Variants in ABI2 observed in about 807,000 individuals in gnomAD.
ABI2 encodes the protein abl interactor 2.
Under a neutral mutation model 59.2 loss-of-function variants are expected in ABI2, and 25 were observed. The observed-to-expected ratio is 0.42, with a 90% CI of 0.31 to 0.59. ABI2 has a LOEUF of 0.59. Ranked by LOEUF, ABI2 falls within the 20% of genes least tolerant of loss-of-function variation. The pLI is 0.14. For synonymous variants in ABI2, 213 were observed against 235.5 expected (o/e 0.90, Z 0.87); for missense variants, 545 against 681.8 (o/e 0.80, Z 2.23).
chr2:203,378,196 T>A lies in ABI2; in HGVS notation c.286-2012T>A, dbSNP rs377581844. ...GGCACAATCTCGGCTCATTGCAAGCTCTGCCTCCTGGGTTCACGCCATTCT... is the reference window on the plus strand; with the variant it reads ...GGCACAATCTCGGCTCATTGCAAGCACTGCCTCCTGGGTTCACGCCATTCT... On this transcript the variant is annotated intron_variant, in intron 2 of 11. Coordinates refer to ENST00000261018, the MANE Select transcript of ABI2 (RefSeq NM_001375670.1). Among the ~76,000 whole-genome samples, 9 of 151,990 alleles carry A rather than the reference T, an allele frequency of 5.9e-5. 1 individual carries two copies. Among genetic ancestry groups the A allele is most frequent in the African/African-American group, 2.2e-4 (9 of 41,464 alleles).
chr2:203,328,405 AC>A lies in ABI2; in HGVS notation c.-108del. On this transcript the variant is annotated 5_prime_UTR_variant, in exon 1 of 12. Transcript: ENST00000261018. ...GGCTGTTTCTCGCTCCTTCCGAGTT[AC>A]CGCCGCCGTCGCCGCCGCTCCTCCT... is the stretch of plus-strand genomic sequence containing the variant. 1.2e-6 allele frequency: 1 copy of A among 863,956 alleles called. No individual in the cohort carries two copies. 53.5% of individuals were successfully genotyped at this position (863,956 alleles called of 1,614,324 possible).
chr2:203,338,963 A>AATATATATATATATATAAAT (rs2078065289), intron 1 of ABI2, among the ~76,000 whole-genome samples: 1 of 10,004 alleles, frequency 1.0e-4, no homozygotes, highest in African/African-American at 3.6e-4. Flanking sequence ...TATATATATA[A>AATATATATATATATATAAAT]ATATATATAT....
Position 203,429,471 on chromosome 2 carries a change from C to T in ABI2, c.*2119C>T, listed in dbSNP as rs2098465490. 1.3e-5 allele frequency: 2 copies of T among 152,154 alleles called. No homozygotes were observed. Among genetic ancestry groups the T allele is most frequent in the Admixed American group, 1.3e-4 (2 of 15,266 alleles). The allele number at this position is 152,154 out of a possible 1,614,324, so 9.4% of individuals were successfully genotyped here. The stretch of plus-strand genomic sequence containing the variant: ...GTGTTTTGAAATCCAATAAATAGTT[C>T]CCACAGGCTGGGTGTGGTGGCTTAT... On this transcript the variant is annotated 3_prime_UTR_variant, in exon 12 of 12. Coordinates refer to ENST00000261018, the MANE Select transcript of ABI2 (RefSeq NM_001375670.1).
Position 203,328,415 on chromosome 2 carries a change from TCGC to T in ABI2, c.-93_-91del. The T allele has an allele frequency of 1.0e-6, 1 of 974,782 alleles. No homozygotes were observed. Among genetic ancestry groups the T allele is most frequent in the South Asian group, 1.5e-5 (1 of 68,694 alleles). 60.4% of individuals were successfully genotyped at this position (974,782 alleles called of 1,614,324 possible). On this transcript the variant is annotated 5_prime_UTR_variant, in exon 1 of 12. Transcript: ENST00000261018. ...CGCTCCTTCCGAGTTACCGCCGCCG[TCGC>T]CGCCGCTCCTCCTCTCCCGGTCCTG...
chr2:203,330,137 A>T (rs927301080), intron 1 of ABI2, among the ~76,000 whole-genome samples: 5 of 152,160 alleles, frequency 3.3e-5, no homozygotes, highest in Non-Finnish European at 1.5e-5. Flanking sequence ...CACATTGTTG[A>T]TCGCGGAAGT....
At chr2:203,331,366 T>TTTTTTTC (rs1437632607) in intron 1 of ABI2, among the ~76,000 whole-genome samples, 4 of 144,818 alleles carry the variant, frequency 2.8e-5, no homozygotes, top group Admixed American at 1.4e-4. Flanking sequence ...TTTTTTTTTT[T>TTTTTTTC]TTCTGAGACA....
At chr2:203,358,384 G>A (rs1036131190) in intron 1 of ABI2, among the ~76,000 whole-genome samples, 1 of 152,090 alleles carries the variant, frequency 6.6e-6, no homozygotes, top group Non-Finnish European at 1.5e-5. Flanking sequence ...CTGGCCTCAA[G>A]TGATTCTTCT....
At chr2:203,406,324 T>A (rs1314228522) in intron 9 of ABI2, among the ~76,000 whole-genome samples, 1 of 152,246 alleles carries the variant, frequency 6.6e-6, no homozygotes, top group Non-Finnish European at 1.5e-5. Context: ...TGTATTTTAC[T>A]GCTCATATTT....
chr2:203,408,855 G>T, intron 9 of ABI2, among the ~76,000 whole-genome samples: 1 of 13,904 alleles, frequency 7.2e-5, no homozygotes, highest in Admixed American at 1.1e-3. Context: ...TTTTTGAGAC[G>T]GAGTCTCGCT....
chr2:203,406,418 A>T (rs1358235717), intron 9 of ABI2, among the ~76,000 whole-genome samples: 2 of 152,194 alleles, frequency 1.3e-5, no homozygotes, highest in African/African-American at 4.8e-5. Flanking sequence ...TATGAGATAT[A>T]GGAGTTTCTG....
chr2:203,373,630 T>A (rs199618516), intron 2 of ABI2, among the ~76,000 whole-genome samples: 3 of 152,156 alleles, frequency 2.0e-5, no homozygotes, highest in Middle Eastern at 3.2e-3. Context: ...AAAAAAAGAT[T>A]AAGCAAGGTC....
At chr2:203,345,806 A>G (rs1226445737) in intron 1 of ABI2, among the ~76,000 whole-genome samples, 1 of 151,160 alleles carries the variant, frequency 6.6e-6, no homozygotes, top group Non-Finnish European at 1.5e-5. Context: ...TCGGCCTCCC[A>G]GAGTGCTGGG....
At chr2:203,387,415 G>A (rs2096573344) in intron 4 of ABI2, among the ~76,000 whole-genome samples, 1 of 152,150 alleles carries the variant, frequency 6.6e-6, no homozygotes, top group South Asian at 2.1e-4. Flanking sequence ...TCCAAAGCCT[G>A]GTCATAAAGG....
At chr2:203,350,680 C>T (rs954274840) in intron 1 of ABI2, among the ~76,000 whole-genome samples, 6 of 151,312 alleles carry the variant, frequency 4.0e-5, no homozygotes, top group Admixed American at 1.3e-4. Flanking sequence ...GCAGGGATTA[C>T]GGGTGCCCGC....
At chr2:203,372,769 C>T (rs1453201024) in intron 2 of ABI2, among the ~76,000 whole-genome samples, 3 of 150,660 alleles carry the variant, frequency 2.0e-5, no homozygotes, top group Admixed American at 6.6e-5. Context: ...GGTTGCCAGG[C>T]GGAGGGTCTC....
intron 10 of ABI2, among the ~76,000 whole-genome samples, chr2:203,416,514 T>G (rs1472298682): frequency 6.6e-6 from 1 of 152,182 alleles, no homozygotes. Flanking sequence ...CAGGCTGGTC[T>G]TGAACTTCTG....
At chr2:203,349,210 G>A (rs964984012) in intron 1 of ABI2, among the ~76,000 whole-genome samples, 6 of 151,828 alleles carry the variant, frequency 4.0e-5, no homozygotes, top group African/African-American at 1.2e-4. Context: ...CCAAAGTGCT[G>A]GGGTTACAGG....
chr2:203,407,642 T>C (rs2097485392), intron 9 of ABI2, among the ~76,000 whole-genome samples: 1 of 152,220 alleles, frequency 6.6e-6, no homozygotes. Context: ...TTTTACTGTT[T>C]ATATCTAAAC....
intron 1 of ABI2, among the ~76,000 whole-genome samples, chr2:203,349,917 G>A (rs2086611906): frequency 6.6e-6 from 1 of 152,152 alleles, no homozygotes; most frequent in Admixed American, 6.5e-5. Flanking sequence ...ATACCTAAGA[G>A]TAGAATTGCT....
Sources: gnomAD v4.1 joint callset for allele counts (sites outside exome capture counted in the v4.1 genomes callset) on GRCh38, gnomAD v4.1.1 for gene constraint, MANE v1.5 for transcripts, NCBI Gene and HGNC (gene_info 2026-07-23, HGNC 2026-07-21) for gene names.